LINGO2: variants seen among roughly 807,000 people sequenced by gnomAD.
LINGO2 encodes the protein leucine-rich repeat and immunoglobulin-like domain-containing nogo receptor-interacting protein 2.
Under a neutral mutation model 30.6 loss-of-function variants are expected in LINGO2, and 14 were observed. The ratio of observed to expected loss-of-function variants is 0.46; its 90% CI spans 0.30 to 0.72. The LOEUF is 0.72. LINGO2 is among the 30% of genes least tolerant of loss of function. LINGO2 has a pLI of 0.07. For missense variants in LINGO2, 729 were observed against 751.7 expected (o/e 0.97, Z 0.35); for synonymous variants, 317 against 288.5 (o/e 1.10, Z -1.00).
intron 3 of LINGO2, among the ~76,000 whole-genome samples, chr9:28,338,672 C>A (rs941140217): frequency 2.6e-5 from 4 of 152,072 alleles, no homozygotes; most frequent in Non-Finnish European, 4.4e-5. Flanking sequence ...ACTGAGTGAG[C>A]TCTCACAAGA....
the LINGO2 span, among the ~76,000 whole-genome samples, chr9:28,784,010 C>T: frequency 6.6e-5 from 10 of 152,204 alleles, no homozygotes; most frequent in Middle Eastern, 0.017. Flanking sequence ...TAATTATCTT[C>T]GAAAGTCCCC....
At chr9:27,965,174 AGG>A (rs1820037972) in intron 5 of LINGO2, among the ~76,000 whole-genome samples, 4 of 152,104 alleles carry the variant, frequency 2.6e-5, no homozygotes, top group Admixed American at 2.0e-4. Context: ...TTTCAGGAGA[AGG>A]GGAAAGAAAC....
intron 5 of LINGO2, chr9:28,012,235 T>G (rs954083516): frequency 6.6e-6 from 1 of 151,658 alleles, no homozygotes. Context: ...ATGTATAAGG[T>G]CACATACATA....
intron 4 of LINGO2, among the ~76,000 whole-genome samples, chr9:28,202,999 C>T (rs1338966182): frequency 2.0e-5 from 3 of 152,054 alleles, no homozygotes; most frequent in African/African-American, 7.2e-5. Flanking sequence ...TTAGTACATA[C>T]TTTAGTACTT....
chr9:28,913,799 A>C, the LINGO2 span, among the ~76,000 whole-genome samples: 25 of 152,270 alleles, frequency 1.6e-4, no homozygotes, highest in South Asian at 5.0e-3. Context: ...TACCTGCTTT[A>C]GTGTTCCTGG....
chr9:28,360,763 T>C (rs1820407526), intron 3 of LINGO2, among the ~76,000 whole-genome samples: 1 of 152,140 alleles, frequency 6.6e-6, no homozygotes, highest in South Asian at 2.1e-4. Flanking sequence ...TTACACAGTC[T>C]CACCTATAGA....
chr9:29,190,731 C>A, the LINGO2 span, among the ~76,000 whole-genome samples: 3 of 152,046 alleles, frequency 2.0e-5, no homozygotes, highest in African/African-American at 7.2e-5. Flanking sequence ...ATTATATTTG[C>A]CCTTTGTTCA....
chr9:28,329,164 C>A lies in LINGO2; in HGVS notation c.-245-33798G>T, dbSNP rs1825332932. ...TAAGACAGACAGAAGGCTCCCAAAT[C>A]TGAAACCAAGCCTCCAGTTTCCAAA... is the stretch of plus-strand genomic sequence containing the variant. On this transcript the variant is annotated intron_variant, in intron 3 of 5. Coordinates refer to ENST00000379992, the Ensembl canonical transcript of LINGO2. The surrounding 1 kb of genome is among the most constrained non-coding windows in gnomAD (Gnocchi z 4.5). Among the ~76,000 whole-genome samples, 1 of 152,108 alleles carries A rather than the reference C, an allele frequency of 6.6e-6. No individual in the cohort carries two copies.
intron 4 of LINGO2, among the ~76,000 whole-genome samples, chr9:28,112,104 C>T (rs943126023): frequency 2.1e-5 from 2 of 96,974 alleles, no homozygotes; most frequent in Non-Finnish European, 4.2e-5. Flanking sequence ...ATTCCCCTTC[C>T]TGTGTCCATG....
the LINGO2 span, among the ~76,000 whole-genome samples, chr9:29,111,996 A>G: frequency 9.1e-6 from 1 of 110,098 alleles, no homozygotes; most frequent in African/African-American, 3.4e-5. Context: ...ATATTACTGT[A>G]TCAATACTGT....
At chr9:29,109,658 G>A in the LINGO2 span, among the ~76,000 whole-genome samples, 1 of 152,216 alleles carries the variant, frequency 6.6e-6, no homozygotes, top group Non-Finnish European at 1.5e-5. Flanking sequence ...AAGTGAGTCA[G>A]TGAGCTTGGT....
At chr9:28,486,378 T>A (rs1160166409) in intron 1 of LINGO2, among the ~76,000 whole-genome samples, 1 of 152,116 alleles carries the variant, frequency 6.6e-6, no homozygotes, top group Non-Finnish European at 1.5e-5. Context: ...AAGTAATAGG[T>A]GCTAAGTAAA....
At chr9:28,355,243 GTCTC>G (rs745669606) in intron 3 of LINGO2, among the ~76,000 whole-genome samples, 2,521 of 108,748 alleles carry the variant, frequency 0.023, 46 homozygotes, top group Middle Eastern at 0.073. Context: ...ATCTCTCTCT[GTCTC>G]TCTCTCTGTC....
At chr9:28,045,386 A>AAAC (rs1824374127) in intron 4 of LINGO2, among the ~76,000 whole-genome samples, 1 of 152,186 alleles carries the variant, frequency 6.6e-6, no homozygotes, top group Non-Finnish European at 1.5e-5. Flanking sequence ...AGTTTTCCGA[A>AAAC]TTACCTAATA....
chr9:29,036,364 A>C, the LINGO2 span, among the ~76,000 whole-genome samples: 2 of 152,128 alleles, frequency 1.3e-5, no homozygotes, highest in African/African-American at 2.4e-5. Context: ...TTTTGGAAGT[A>C]TAAAATTTTC....
At chr9:28,123,641 G>A (rs1312090501) in intron 4 of LINGO2, among the ~76,000 whole-genome samples, 1 of 151,754 alleles carries the variant, frequency 6.6e-6, no homozygotes, top group African/African-American at 2.4e-5. Flanking sequence ...CTATAAAAAA[G>A]GAACAGGTGG....
intron 4 of LINGO2, among the ~76,000 whole-genome samples, chr9:28,224,265 C>T (rs372485127): frequency 8.5e-5 from 13 of 152,132 alleles, no homozygotes; most frequent in East Asian, 1.9e-4. Context: ...GGGGTTTCAC[C>T]GTGTTAGCCA....
intron 2 of LINGO2, among the ~76,000 whole-genome samples, chr9:28,441,097 G>T (rs993123954): frequency 2.0e-5 from 3 of 151,896 alleles, no homozygotes; most frequent in Admixed American, 6.6e-5. Flanking sequence ...CCCTCTCACA[G>T]TTTTTTTCTA....
At chr9:28,699,775 T>C in the LINGO2 span, among the ~76,000 whole-genome samples, 1 of 151,966 alleles carries the variant, frequency 6.6e-6, no homozygotes, top group Non-Finnish European at 1.5e-5. Flanking sequence ...TATAAATGGC[T>C]GCTCTGGGAG....
Sources: allele counts gnomAD v4.1 joint callset (sites outside exome capture counted in the v4.1 genomes callset), GRCh38; gene constraint gnomAD v4.1.1; non-coding constraint Gnocchi (gnomAD v3.1); transcripts MANE v1.5; gene names NCBI Gene and HGNC (gene_info 2026-07-23, HGNC 2026-07-21).